Variants in FLT4 observed in about 807,000 individuals in gnomAD.
The protein encoded by FLT4 is vascular endothelial growth factor receptor 3.
Under a neutral mutation model 163.2 loss-of-function variants are expected in FLT4, and 30 were observed. The observed-to-expected ratio is 0.18, with a 90% confidence interval of 0.14 to 0.25. FLT4 has a LOEUF of 0.25. Among genes scored for constraint, FLT4 ranks in the 10% least tolerant of loss-of-function variants. The pLI, the probability that FLT4 is intolerant of heterozygous loss-of-function variation, is 1.00. For missense variants in FLT4, 1,510 were observed against 1,863.8 expected, an observed-to-expected ratio of 0.81 and a Z score of 3.50; for synonymous variants, 884 against 789.5, an observed-to-expected ratio of 1.12 and a Z score of -2.01.
chr5:180,626,100 CCCTGA>C lies in FLT4; in HGVS notation c.1258+6_1258+10del, dbSNP rs1247895470. ...GCCGCCCACCCGTGCGCTCTCCCGT[CCCTGA>C]CCTACCATTCACCACCAGCTCCAGG... On this transcript the variant is annotated splice_donor_region_variant and intron_variant, in intron 9 of 29. Transcript: ENST00000261937. The C allele has an allele frequency of 1.9e-6, 3 of 1,612,698 alleles. No homozygotes were observed. In the East Asian group the frequency reaches 6.7e-5, roughly 36 times the overall value.
intron 29 of FLT4, among the ~76,000 whole-genome samples, chr5:180,607,443 C>T (rs1761861969): frequency 6.6e-6 from 1 of 151,962 alleles, no homozygotes; most frequent in Admixed American, 6.6e-5. Context: ...CGAGACCATC[C>T]TGGCTAACAT....
rs561846408 is a variant in FLT4 at position 180,614,009 on chromosome 5, G to A, written c.3331+59C>T. 2.1e-5 allele frequency: 26 copies of A among 1,217,572 alleles called. No individual in the cohort carries two copies. The South Asian group carries it at 2.5e-4, about 12-fold the overall frequency. 75.4% of individuals were successfully genotyped at this position (1,217,572 alleles called of 1,614,324 possible). ...CCCTTACTCCAGCAGGGGCGGTCATGTAACCTGCCGCCAGTGACCTCGCCT... is the reference window on the plus strand; with the variant it reads ...CCCTTACTCCAGCAGGGGCGGTCATATAACCTGCCGCCAGTGACCTCGCCT... On this transcript the variant is annotated intron_variant, in intron 24 of 29. Transcript: ENST00000261937.
At chr5:180,607,391 C>T (rs1761859192) in intron 29 of FLT4, among the ~76,000 whole-genome samples, 2 of 151,956 alleles carry the variant, frequency 1.3e-5, no homozygotes, top group Non-Finnish European at 2.9e-5. Flanking sequence ...AATCCCAGCA[C>T]TTTGGGAGGC....
At chr5:180,622,006 C>CTT in intron 12 of FLT4, 102 bp from the exon 13 acceptor site, 4 of 1,462,362 alleles carry the variant, frequency 2.7e-6, no homozygotes, top group South Asian at 1.2e-5. Flanking sequence ...CTCCCTCTCT[C>CTT]CTGGAGGGGC....
intron 8 of FLT4, among the ~76,000 whole-genome samples, chr5:180,628,271 A>G (rs1231269785): frequency 6.6e-6 from 1 of 152,154 alleles, no homozygotes; most frequent in Non-Finnish European, 1.5e-5. Flanking sequence ...GAGGGGTGCC[A>G]TGCCCCCCCA....
chr5:180,613,664 T>C, intron 24 of FLT4: 3 of 327,068 alleles, frequency 9.2e-6, no homozygotes, highest in East Asian at 1.4e-4. Flanking sequence ...TGGTGACATT[T>C]TAACTTTTTC....
chr5:180,624,723 G>A (rs1055230053), intron 10 of FLT4, among the ~76,000 whole-genome samples: 1 of 152,230 alleles, frequency 6.6e-6, no homozygotes, highest in African/African-American at 2.4e-5. Flanking sequence ...GTCCCATGCT[G>A]CCCCCGGAGG....
At chr5:180,631,289 C>A (rs377537391) in intron 2 of FLT4, among the ~76,000 whole-genome samples, 1 of 151,880 alleles carries the variant, frequency 6.6e-6, no homozygotes, top group East Asian at 1.9e-4. Context: ...CTGCTTAACA[C>A]GGTGAAACCC....
Position 180,630,547 on chromosome 5 carries a change from A to G in FLT4, c.400+8T>C, listed in dbSNP as rs1463014483. On this transcript the variant is annotated splice_region_variant and intron_variant, in intron 3 of 29. Coordinates refer to ENST00000261937, the MANE Select transcript of FLT4 (RefSeq NM_182925.5). This position sits in a 1 kb window ranked among gnomAD's most constrained non-coding sequence, Gnocchi z 6.3. ...CCTGCTCCAGCCTGGCCCGCCTCCA[A>G]GTCTCACCTCTCACGAACACGTAGG... The G allele has an allele frequency of 1.2e-6, 2 of 1,612,698 alleles. No homozygotes were observed. Among genetic ancestry groups the G allele is most frequent in the Non-Finnish European group, 8.5e-7 (1 of 1,179,894 alleles).
Position 180,609,731 on chromosome 5 carries a change from G to C in FLT4, c.3807+174C>G, listed in dbSNP as rs1581610997. 4.1e-6 allele frequency: 3 copies of C among 726,734 alleles called. No individual in the cohort carries two copies. In the East Asian group the frequency reaches 7.6e-5, roughly 18 times the overall value. 45.0% of individuals were successfully genotyped at this position (726,734 alleles called of 1,614,324 possible). A position where few individuals can be genotyped will look rare whatever the true frequency, so the allele number is the denominator to read the frequency against. On this transcript the variant is annotated intron_variant, in intron 28 of 29. Coordinates refer to ENST00000261937, the MANE Select transcript of FLT4 (RefSeq NM_182925.5). ...AGGGCATAGGACAGAAAGCAGCTGT[G>C]AGTCGTGGCATCGCAGGAGGGCCCA...
rs937756642 is a variant in FLT4 at position 180,623,847 on chromosome 5, A to G, written c.1548+88T>C. Reference sequence around the variant, plus strand: ...CGGCTGCTCTGCCCAGCACTCTGGAAGCCAGGTGGAAACCACATGGCAGTA... The same window carrying G: ...CGGCTGCTCTGCCCAGCACTCTGGAGGCCAGGTGGAAACCACATGGCAGTA... On this transcript the variant is annotated intron_variant, in intron 11 of 29. Coordinates refer to ENST00000261937, the MANE Select transcript of FLT4 (RefSeq NM_182925.5). This position sits in a 1 kb window ranked among gnomAD's most constrained non-coding sequence, Gnocchi z 5.8. The G allele has an allele frequency of 1.9e-6, 3 of 1,548,058 alleles. No homozygotes were observed. Among genetic ancestry groups the G allele is most frequent in the African/African-American group, 2.7e-5 (2 of 73,708 alleles).
chr5:180,608,872 C>G (rs958859951), intron 29 of FLT4, 96 bp downstream of exon 29: 1 of 1,094,812 alleles, frequency 9.1e-7, no homozygotes, highest in Admixed American at 1.7e-5. Context: ...CGAAAGGTTC[C>G]GGGAAGAGGG....
At chr5:180,612,231 G>A (rs905909749) in intron 26 of FLT4, among the ~76,000 whole-genome samples, 1 of 152,214 alleles carries the variant, frequency 6.6e-6, no homozygotes, top group Admixed American at 6.5e-5. Context: ...CACAGGCCGG[G>A]GGGGACCAGC....
At chr5:180,649,436 C>A in intron 1 of FLT4, 52 bp downstream of exon 1, 1 of 1,363,468 alleles carries the variant, frequency 7.3e-7, no homozygotes, top group Admixed American at 2.5e-5. Flanking sequence ...GCGCGGTACC[C>A]CCTCCCCGGC....
chr5:180,632,166 C>A (rs1406540414), intron 1 of FLT4, among the ~76,000 whole-genome samples: 1 of 152,194 alleles, frequency 6.6e-6, no homozygotes, highest in East Asian at 1.9e-4. Context: ...GAGGCCCTCC[C>A]TCCTGAACTG....
chr5:180,621,019 G>A lies in FLT4; in HGVS notation c.2168-12C>T, dbSNP rs530340204. Reference sequence around the variant, plus strand: ...CGCCAAGTCGACTCCTGCAGGGGGTGGGGTGGAGGTGCGGGTCCACCTGGG... The same window carrying A: ...CGCCAAGTCGACTCCTGCAGGGGGTAGGGTGGAGGTGCGGGTCCACCTGGG... On this transcript the variant is annotated splice_polypyrimidine_tract_variant and intron_variant, in intron 14 of 29. Coordinates refer to ENST00000261937, the MANE Select transcript of FLT4 (RefSeq NM_182925.5). The A allele has an allele frequency of 1.9e-4, 307 of 1,611,304 alleles. No individual in the cohort carries two copies. Among genetic ancestry groups the A allele is most frequent in the South Asian group, 2.4e-4 (22 of 91,032 alleles).
chr5:180,609,433 C>T, intron 28 of FLT4: 1 of 401,236 alleles, frequency 2.5e-6, no homozygotes, highest in East Asian at 4.6e-5. Context: ...GTTTGGGGGG[C>T]TTTGTTATCC....
chr5:180,622,851 C>T lies in FLT4; in HGVS notation c.1549-12G>A, dbSNP rs1473872280. 5 of 1,586,008 alleles carry T rather than the reference C, an allele frequency of 3.2e-6. No individual in the cohort carries two copies. The South Asian group carries it at 5.5e-5, about 18-fold the overall frequency. The stretch of plus-strand genomic sequence containing the variant: ...AGCTTGCTCACAGTCTGGGAGAGCA[C>T]AGGCACAAGGATCCATTTCCTGCCC... On this transcript the variant is annotated splice_polypyrimidine_tract_variant and intron_variant, in intron 11 of 29. Coordinates refer to ENST00000261937, the MANE Select transcript of FLT4 (RefSeq NM_182925.5).
chr5:180,649,624 TGGGGCGGGGC>T (rs908085275), upstream of FLT4: 13 of 642,660 alleles, frequency 2.0e-5, no homozygotes, highest in Non-Finnish European at 2.5e-5. Context: ...CCGGCTGGCC[TGGGGCGGGGC>T]GGGGCGGGGC....
Sources: gnomAD v4.1 joint callset for allele counts (sites outside exome capture counted in the v4.1 genomes callset) on GRCh38, gnomAD v4.1.1 for gene constraint, Gnocchi (gnomAD v3.1) non-coding constraint, MANE v1.5 for transcripts, NCBI Gene and HGNC (gene_info 2026-07-23, HGNC 2026-07-21) for gene names.